The following FSTL5 variants were observed in gnomAD, a reference collection of about 807,000 sequenced individuals.
FSTL5 encodes the protein follistatin like 5, also known as follistatin-related protein 5.
FSTL5 carries 62 observed loss-of-function variants against 89.1 expected under a neutral mutation model. That is an observed-to-expected ratio of 0.70 (90% confidence interval 0.57 to 0.86). The LOEUF (loss-of-function observed/expected upper bound fraction) is 0.86, where lower values mean the gene tolerates loss of function less well. FSTL5 is among the 40% of genes least tolerant of loss of function. FSTL5 has a pLI of 0.00. For missense variants in FSTL5, 1,057 were observed against 1,001.6 expected (o/e 1.06, Z -0.75); for synonymous variants, 383 against 346.2 (o/e 1.11, Z -1.18).
rs531366239 is a variant in FSTL5 at position 161,707,800 on chromosome 4, C to T, written c.728-51306G>A. On this transcript the variant is annotated intron_variant, in intron 6 of 15. Coordinates refer to ENST00000306100, the MANE Select transcript of FSTL5 (RefSeq NM_020116.5). ...GGTATATAATGAATACAGAAGAAAACAAAACTAACAGAATTTGGTCTCTGG... is the reference window on the plus strand; with the variant it reads ...GGTATATAATGAATACAGAAGAAAATAAAACTAACAGAATTTGGTCTCTGG... Among the ~76,000 whole-genome samples, 9 of 151,806 alleles carry T rather than the reference C, an allele frequency of 5.9e-5. No homozygotes were observed. In the South Asian group the frequency reaches 1.0e-3, roughly 18 times the overall value.
intron 6 of FSTL5, among the ~76,000 whole-genome samples, chr4:161,700,517 T>G (rs899001114): frequency 2.0e-5 from 3 of 152,150 alleles, no homozygotes; most frequent in Admixed American, 6.6e-5. Flanking sequence ...TTATTTATTT[T>G]GAGACAGGGT....
intron 12 of FSTL5, among the ~76,000 whole-genome samples, chr4:161,492,062 A>G (rs1460638069): frequency 1.3e-5 from 2 of 152,194 alleles, no homozygotes; most frequent in African/African-American, 2.4e-5. Flanking sequence ...TTATCCTTCT[A>G]TATCTTTAAA....
At chr4:161,710,968 A>T (rs1312246962) in intron 6 of FSTL5, among the ~76,000 whole-genome samples, 1 of 152,176 alleles carries the variant, frequency 6.6e-6, no homozygotes, top group Non-Finnish European at 1.5e-5. Context: ...TCAAAAAAAC[A>T]TTTCTAGAAA....
chr4:161,813,975 G>A (rs556837377), intron 4 of FSTL5, among the ~76,000 whole-genome samples: 10 of 151,876 alleles, frequency 6.6e-5, no homozygotes, highest in South Asian at 2.1e-4. Flanking sequence ...GTAATGAAGA[G>A]TTAATATAGG....
intron 7 of FSTL5, among the ~76,000 whole-genome samples, chr4:161,632,571 T>G (rs1483903415): frequency 6.6e-6 from 1 of 152,230 alleles, no homozygotes; most frequent in Non-Finnish European, 1.5e-5. Flanking sequence ...TGTATTCTAT[T>G]GATTATTCTT....
chr4:161,801,017 A>AT (rs2126829150), intron 4 of FSTL5, among the ~76,000 whole-genome samples: 1 of 151,690 alleles, frequency 6.6e-6, no homozygotes, highest in African/African-American at 2.4e-5. Flanking sequence ...ATAATGACAA[A>AT]TGATAGTGAA....
At chr4:161,825,923 T>C (rs1289214720) in intron 4 of FSTL5, among the ~76,000 whole-genome samples, 1 of 152,094 alleles carries the variant, frequency 6.6e-6, no homozygotes, top group Non-Finnish European at 1.5e-5. Flanking sequence ...CTGTTGGGTT[T>C]GTCTTTGGTT....
chr4:161,632,553 A>C (rs1735538328), intron 7 of FSTL5, among the ~76,000 whole-genome samples: 1 of 152,186 alleles, frequency 6.6e-6, no homozygotes, highest in African/African-American at 2.4e-5. Flanking sequence ...ACTTTGTGTA[A>C]ATGCAATTGT....
At chr4:161,642,508 T>C (rs1303265695) in intron 7 of FSTL5, among the ~76,000 whole-genome samples, 1 of 152,136 alleles carries the variant, frequency 6.6e-6, no homozygotes, top group Non-Finnish European at 1.5e-5. Context: ...ATGCTAATAG[T>C]AACCAAAATA....
chr4:161,840,486 A>T (rs1193717169), intron 4 of FSTL5, among the ~76,000 whole-genome samples: 1 of 152,196 alleles, frequency 6.6e-6, no homozygotes, highest in South Asian at 2.1e-4. Context: ...AAAAATTAAA[A>T]AGCATAAATA....
chr4:161,709,865 T>C (rs1309688531), intron 6 of FSTL5, among the ~76,000 whole-genome samples: 1 of 151,838 alleles, frequency 6.6e-6, no homozygotes, highest in African/African-American at 2.4e-5. Flanking sequence ...ACCTCTAGAG[T>C]GGAACAAAAA....
chr4:162,004,049 T>C (rs1313771860), intron 3 of FSTL5, among the ~76,000 whole-genome samples: 3 of 152,208 alleles, frequency 2.0e-5, no homozygotes, highest in Admixed American at 2.0e-4. Context: ...AGCTTCATAA[T>C]ACGGCAGGTT....
chr4:162,047,900 A>C (rs546935203), intron 2 of FSTL5, among the ~76,000 whole-genome samples: 1 of 152,304 alleles, frequency 6.6e-6, no homozygotes, highest in South Asian at 2.1e-4. Flanking sequence ...CCTTAAAATA[A>C]GTAAAAGAAT....
At chr4:162,073,809 G>C (rs1451595828) in intron 2 of FSTL5, among the ~76,000 whole-genome samples, 1 of 151,682 alleles carries the variant, frequency 6.6e-6, no homozygotes, top group African/African-American at 2.4e-5. Flanking sequence ...AGGTAGCATT[G>C]ATAAGAAAAT....
At chr4:161,783,732 TTTTC>T (rs146247881) in intron 4 of FSTL5, among the ~76,000 whole-genome samples, 6,736 of 15,080 alleles carry the variant, frequency 0.45, 1,846 homozygotes, top group South Asian at 0.55. Flanking sequence ...TCTTCTTTTC[TTTTC>T]TTTCTTTCTT....
At chr4:161,553,644 A>G (rs1732289905) in intron 8 of FSTL5, among the ~76,000 whole-genome samples, 2 of 151,454 alleles carry the variant, frequency 1.3e-5, no homozygotes, top group South Asian at 2.1e-4. Flanking sequence ...ATATGGTCCT[A>G]ATAATATAAT....
At chr4:161,566,590 C>T (rs760165110) in intron 8 of FSTL5, among the ~76,000 whole-genome samples, 2 of 151,996 alleles carry the variant, frequency 1.3e-5, no homozygotes, top group Non-Finnish European at 2.9e-5. Flanking sequence ...GTAAGTATTC[C>T]TGTCTCTGCA....
In FSTL5 at chr4:161,779,790, T is replaced by C. The variant is rs1299866962; in HGVS notation, c.410-3716A>G. Among the ~76,000 whole-genome samples the C allele has an allele frequency of 5.0e-4, 25 of 50,174 alleles. 1 individual carries two copies. The South Asian group carries it at 5.1e-3, about 10-fold the overall frequency. 32.9% of individuals were successfully genotyped at this position (50,174 alleles called of 152,430 possible). ...ATATATATATGTATATATATATATA[T>C]ATATATATATATATATATATGTATA... On this transcript the variant is annotated intron_variant, in intron 4 of 15. Coordinates refer to ENST00000306100, the MANE Select transcript of FSTL5 (RefSeq NM_020116.5).
At chr4:161,606,239 G>GCTT (rs1199817680) in intron 7 of FSTL5, among the ~76,000 whole-genome samples, 1 of 95,136 alleles carries the variant, frequency 1.1e-5, no homozygotes, top group Non-Finnish European at 2.3e-5. Context: ...GATTATCTGT[G>GCTT]ATTTTTTTTT....
Sources: allele counts gnomAD v4.1 joint callset (sites outside exome capture counted in the v4.1 genomes callset), GRCh38; gene constraint gnomAD v4.1.1; transcripts MANE v1.5; gene names NCBI Gene and HGNC (gene_info 2026-07-23, HGNC 2026-07-21).